The following DNAI4 variants were observed in gnomAD, a reference collection of about 807,000 sequenced individuals.
DNAI4 encodes WD repeat domain 78.
DNAI4 carries 85 observed loss-of-function variants against 105.8 expected under a neutral mutation model. The observed-to-expected ratio is 0.80, with a 90% CI of 0.67 to 0.96. The LOEUF (loss-of-function observed/expected upper bound fraction) is 0.96, where lower values mean the gene tolerates loss of function less well. Among genes scored for constraint, DNAI4 ranks in the 40% least tolerant of loss-of-function variants. The pLI, the probability that DNAI4 is intolerant of heterozygous loss-of-function variation, is 0.00. For missense variants in DNAI4, 1,014 were observed against 1,005.6 expected (o/e 1.01, Z -0.11); for synonymous variants, 352 against 331.5 (o/e 1.06, Z -0.67).
chr1:66,856,632 TAC>T (rs1458273646), intron 7 of DNAI4, among the ~76,000 whole-genome samples: 29 of 152,068 alleles, frequency 1.9e-4, no homozygotes, highest in African/African-American at 6.5e-4. Context: ...AGAAATCATA[TAC>T]AGTCTCAGAA....
At chr1:66,833,509 C>A in intron 13 of DNAI4, 76 bp downstream of exon 13, 1 of 1,518,996 alleles carries the variant, frequency 6.6e-7, no homozygotes, top group South Asian at 1.2e-5. Flanking sequence ...AATATTTGGT[C>A]TTGTTTTATG....
chr1:66,924,561 G>T, intron 1 of DNAI4, 101 bp downstream of exon 1: 1 of 1,525,180 alleles, frequency 6.6e-7, no homozygotes, highest in South Asian at 1.1e-5. Context: ...AACCCAGTTA[G>T]GGTAGGGCCC....
chr1:66,889,081 G>GCAGA (rs1647378818), intron 4 of DNAI4, among the ~76,000 whole-genome samples: 2 of 152,326 alleles, frequency 1.3e-5, no homozygotes, highest in Admixed American at 1.3e-4. Flanking sequence ...CTCTCCTGCA[G>GCAGA]CAGACATTGC....
chr1:66,847,882 CTG>C (rs1375968865), intron 7 of DNAI4: 4 of 524,406 alleles, frequency 7.6e-6, no homozygotes, highest in Non-Finnish European at 9.9e-6. Flanking sequence ...CCATCAAAAA[CTG>C]TACTATTTTT....
intron 1 of DNAI4, chr1:66,921,297 C>T (rs963162597): frequency 6.6e-6 from 1 of 152,098 alleles, no homozygotes; most frequent in East Asian, 1.9e-4. Flanking sequence ...GGAGACTTGT[C>T]CAGTATTGTA....
At chr1:66,837,149 A>G (rs1646042104) in intron 10 of DNAI4, among the ~76,000 whole-genome samples, 1 of 152,140 alleles carries the variant, frequency 6.6e-6, no homozygotes, top group Non-Finnish European at 1.5e-5. Flanking sequence ...CTGGATCATG[A>G]GGTCAAGAGA....
intron 6 of DNAI4, among the ~76,000 whole-genome samples, chr1:66,870,335 G>A (rs1223949840): frequency 7.2e-5 from 11 of 151,912 alleles, no homozygotes; most frequent in African/African-American, 2.2e-4. Context: ...CCAGCTACTC[G>A]GGAGGCTGAG....
Position 66,812,911 on chromosome 1 carries a change from T to C in DNAI4, c.*1219A>G, listed in dbSNP as rs1001513398. 28 of 152,366 alleles carry C rather than the reference T, an allele frequency of 1.8e-4. No individual in the cohort carries two copies. Among genetic ancestry groups the C allele is most frequent in the Non-Finnish European group, 3.5e-4 (24 of 68,036 alleles). The allele number at this position is 152,366 out of a possible 1,614,324, so 9.4% of individuals were successfully genotyped here. A position where few individuals can be genotyped will look rare whatever the true frequency, so the allele number is the denominator to read the frequency against. ...TTTTTCAGTTAGATCAAGTTTTTTATTTTCTTACACAAGGTGTTATAGAAA... is the reference window on the plus strand; with the variant it reads ...TTTTTCAGTTAGATCAAGTTTTTTACTTTCTTACACAAGGTGTTATAGAAA... On this transcript the variant is annotated 3_prime_UTR_variant, in exon 17 of 17. Transcript: ENST00000371026.
At chr1:66,830,791 AAAT>A (rs1434977023) in intron 13 of DNAI4, among the ~76,000 whole-genome samples, 4 of 148,886 alleles carry the variant, frequency 2.7e-5, no homozygotes, top group South Asian at 2.1e-4. Context: ...AAAAAAAAAT[AAAT>A]AAATAAATAA....
rs960303573 is a variant in DNAI4 at position 66,858,640 on chromosome 1, G to A, written c.1096+3507C>T. 5.3e-5 allele frequency among the ~76,000 whole-genome samples: 8 copies of A among 151,734 alleles called. No homozygotes were observed. The East Asian group carries it at 1.6e-3, about 29-fold the overall frequency. ...CATAATCAAATGGCGTTTTTTCAAGGTATGCAAAGCTGGTTCAACATTCAG... is the reference window on the plus strand; with the variant it reads ...CATAATCAAATGGCGTTTTTTCAAGATATGCAAAGCTGGTTCAACATTCAG... On this transcript the variant is annotated intron_variant, in intron 7 of 16. Coordinates refer to ENST00000371026, the MANE Select transcript of DNAI4 (RefSeq NM_024763.5).
At chr1:66,847,897 G>A (rs1174845835) in intron 7 of DNAI4, 9 of 496,142 alleles carry the variant, frequency 1.8e-5, no homozygotes, top group African/African-American at 1.2e-4. Flanking sequence ...CTATTTTTCA[G>A]AAGATAGGCA....
intron 10 of DNAI4, among the ~76,000 whole-genome samples, 167 bp from the exon 11 acceptor site, chr1:66,835,944 T>TCA (rs1645977419): frequency 6.6e-6 from 1 of 151,762 alleles, no homozygotes; most frequent in Admixed American, 6.6e-5. Flanking sequence ...TAATAAAACC[T>TCA]CACTTGGTCA....
rs144191911 is a variant in DNAI4, at chr1:66,829,550, A to C, written c.2014-1640T>G. ...GCTAAATATATGTATGTACCTAATAAGAAAGCATCAAGATACACAAAGCAA... is the reference window on the plus strand; with the variant it reads ...GCTAAATATATGTATGTACCTAATACGAAAGCATCAAGATACACAAAGCAA... On this transcript the variant is annotated intron_variant, in intron 13 of 16. Coordinates refer to ENST00000371026, the MANE Select transcript of DNAI4 (RefSeq NM_024763.5). Among the ~76,000 whole-genome samples, 889 of 152,332 alleles carry C rather than the reference A, an allele frequency of 5.8e-3. 8 individuals are homozygous for C. Among genetic ancestry groups the C allele is most frequent in the African/African-American group, 0.02 (818 of 41,574 alleles).
At position 66,829,526 on chromosome 1, in the gene DNAI4, C is replaced by T. The variant is rs117984592; in HGVS notation, c.2014-1616G>A. On this transcript the variant is annotated intron_variant, in intron 13 of 16. Transcript: ENST00000371026. ...AATTGATCAATAGGACATAATAATG[C>T]TAAATATATGTATGTACCTAATAAG... is the stretch of plus-strand genomic sequence containing the variant. 8.8e-3 allele frequency among the ~76,000 whole-genome samples: 1,345 copies of T among 152,044 alleles called. 28 individuals carry two copies. The highest frequency in any genetic ancestry group is 0.039 in the Admixed American group (593 of 15,272).
chr1:66,817,267 AG>A (rs1187050762), intron 16 of DNAI4, among the ~76,000 whole-genome samples: 10 of 152,320 alleles, frequency 6.6e-5, no homozygotes, highest in African/African-American at 2.4e-4. Flanking sequence ...AGTTGAACAA[AG>A]CCCTAAAGAT....
intron 10 of DNAI4, among the ~76,000 whole-genome samples, chr1:66,836,827 C>T (rs2100449633): frequency 6.6e-6 from 1 of 152,286 alleles, no homozygotes; most frequent in Middle Eastern, 3.4e-3. Flanking sequence ...ATATGCTCTT[C>T]TGACCCTTCT....
At chr1:66,921,991 G>T (rs548751200) in intron 1 of DNAI4, among the ~76,000 whole-genome samples, 2 of 150,788 alleles carry the variant, frequency 1.3e-5, no homozygotes, top group African/African-American at 4.9e-5. Flanking sequence ...TCACCTTCCC[G>T]GTCTCAAGTA....
At chr1:66,879,705 GT>G (rs1397756669) in intron 4 of DNAI4, among the ~76,000 whole-genome samples, 3 of 152,016 alleles carry the variant, frequency 2.0e-5, no homozygotes, top group East Asian at 3.9e-4. Context: ...GTATTATCAG[GT>G]TTTTTTAGCC....
At chr1:66,833,040 T>G (rs1396543240) in intron 13 of DNAI4, among the ~76,000 whole-genome samples, 1 of 152,038 alleles carries the variant, frequency 6.6e-6, no homozygotes, top group East Asian at 1.9e-4. Context: ...GAGAGGCACT[T>G]GAGTTAAGCA....
Sources: gnomAD v4.1 joint callset for allele counts (sites outside exome capture counted in the v4.1 genomes callset) on GRCh38, gnomAD v4.1.1 for gene constraint, MANE v1.5 for transcripts, NCBI Gene and HGNC (gene_info 2026-07-23, HGNC 2026-07-21) for gene names.